Variants in PTPRR observed in about 807,000 individuals in gnomAD.
The protein encoded by PTPRR is protein tyrosine phosphatase receptor type R.
PTPRR carries 38 observed loss-of-function variants against 77.2 expected under a neutral mutation model. That is an observed-to-expected ratio of 0.49 (90% CI 0.38 to 0.65). The LOEUF (loss-of-function observed/expected upper bound fraction) is 0.65. Among genes scored for constraint, PTPRR ranks in the 30% least tolerant of loss-of-function variants. The pLI is 0.00. For missense variants in PTPRR, 744 were observed against 799.2 expected, an observed-to-expected ratio of 0.93 and a Z score of 0.83; for synonymous variants, 299 against 283.1, an observed-to-expected ratio of 1.06 and a Z score of -0.57.
chr12:70,769,568 GA>G (rs1368512859), intron 2 of PTPRR, among the ~76,000 whole-genome samples: 1 of 152,144 alleles, frequency 6.6e-6, no homozygotes, highest in Non-Finnish European at 1.5e-5. Flanking sequence ...TCAATATCAT[GA>G]AAATGGCCAA....
chr12:70,712,279 A>G (rs76102166), intron 6 of PTPRR, among the ~76,000 whole-genome samples: 1 of 152,232 alleles, frequency 6.6e-6, no homozygotes, highest in Non-Finnish European at 1.5e-5. Flanking sequence ...CCGTGATCAG[A>G]TTCTTGCCAG....
chr12:70,712,371 T>A (rs1459793573), intron 6 of PTPRR, among the ~76,000 whole-genome samples: 10 of 151,806 alleles, frequency 6.6e-5, no homozygotes, highest in Admixed American at 6.6e-4. Context: ...CAGTTGCCAA[T>A]AGTTAAAATA....
chr12:70,882,839 T>C (rs1352908481), intron 2 of PTPRR, among the ~76,000 whole-genome samples: 2 of 152,212 alleles, frequency 1.3e-5, no homozygotes, highest in Non-Finnish European at 2.9e-5. Context: ...GCCTATAAAA[T>C]AGCAATAACA....
intron 10 of PTPRR, among the ~76,000 whole-genome samples, chr12:70,671,123 C>T (rs550681202): frequency 2.0e-5 from 3 of 152,264 alleles, no homozygotes; most frequent in East Asian, 1.9e-4. Context: ...AACAATGACG[C>T]TTAACACAAT....
At chr12:70,821,213 C>CTTTTTTTTTTTTTCTTTTTTTTTTTTTT (rs1892003658) in intron 2 of PTPRR, among the ~76,000 whole-genome samples, 1 of 31,972 alleles carries the variant, frequency 3.1e-5, no homozygotes, top group African/African-American at 9.3e-5. Context: ...GGGATCACTG[C>CTTTTTTTTTTTTTCTTTTTTTTTTTTTT]TTTTTTTTTT....
intron 5 of PTPRR, among the ~76,000 whole-genome samples, chr12:70,751,116 A>G (rs1214119640): frequency 6.6e-6 from 1 of 151,958 alleles, no homozygotes; most frequent in Non-Finnish European, 1.5e-5. Context: ...TATTTCTTTC[A>G]TTTCTTTAAG....
intron 1 of PTPRR, among the ~76,000 whole-genome samples, chr12:70,899,875 G>C (rs1893501133): frequency 6.6e-6 from 1 of 151,402 alleles, no homozygotes; most frequent in East Asian, 1.9e-4. Context: ...AAACTAAATG[G>C]CATTTGTATA....
chr12:70,868,391 C>T (rs1026770728), intron 2 of PTPRR, among the ~76,000 whole-genome samples: 9 of 150,276 alleles, frequency 6.0e-5, no homozygotes, highest in African/African-American at 2.0e-4. Flanking sequence ...TGAACAGACA[C>T]TTCTGAAAAG....
chr12:70,824,456 A>T (rs939612225), intron 2 of PTPRR, among the ~76,000 whole-genome samples: 1 of 152,220 alleles, frequency 6.6e-6, no homozygotes, highest in African/African-American at 2.4e-5. Flanking sequence ...AAACCATGGT[A>T]GCTAAAGGCT....
At chr12:70,710,415 C>A (rs868747099) in intron 6 of PTPRR, among the ~76,000 whole-genome samples, 3 of 151,982 alleles carry the variant, frequency 2.0e-5, no homozygotes, top group African/African-American at 4.8e-5. Context: ...ATGGCTTAAA[C>A]GCTTAAATGT....
At chr12:70,828,487 G>C (rs565717158) in intron 2 of PTPRR, among the ~76,000 whole-genome samples, 194 of 152,324 alleles carry the variant, frequency 1.3e-3, no homozygotes, top group African/African-American at 4.5e-3. Context: ...AAGAGAATTA[G>C]ATGCATTTTG....
At chr12:70,847,861 A>C (rs1011666655) in intron 2 of PTPRR, among the ~76,000 whole-genome samples, 6 of 152,194 alleles carry the variant, frequency 3.9e-5, no homozygotes, top group African/African-American at 4.8e-5. Flanking sequence ...CTTTTTGGTA[A>C]AGAACAGCTT....
chr12:70,898,161 T>TA (rs143545504), intron 1 of PTPRR, among the ~76,000 whole-genome samples: 37,386 of 148,626 alleles, frequency 0.25, 5,221 homozygotes, highest in East Asian at 0.45. Context: ...ATAATAATAA[T>TA]AAAAAAAGAG....
At chr12:70,652,597 G>A (rs773667548) in intron 13 of PTPRR, among the ~76,000 whole-genome samples, 1 of 152,112 alleles carries the variant, frequency 6.6e-6, no homozygotes, top group Non-Finnish European at 1.5e-5. Flanking sequence ...AACTCAAGGG[G>A]GTTGGGTGCC....
chr12:70,900,432 A>T (rs1020346758), intron 1 of PTPRR, among the ~76,000 whole-genome samples: 1 of 151,260 alleles, frequency 6.6e-6, no homozygotes, highest in Non-Finnish European at 1.5e-5. Context: ...AGAAGAAAAG[A>T]TAGGCAAAAA....
intron 10 of PTPRR, among the ~76,000 whole-genome samples, chr12:70,673,850 T>A (rs191507378): frequency 2.6e-5 from 4 of 151,910 alleles, no homozygotes; most frequent in Admixed American, 6.6e-5. Flanking sequence ...TTTTTAATGG[T>A]TTTTTTTGCA....
At chr12:70,772,217 G>A (rs1284809418) in intron 2 of PTPRR, among the ~76,000 whole-genome samples, 3 of 151,996 alleles carry the variant, frequency 2.0e-5, no homozygotes, top group African/African-American at 7.2e-5. Flanking sequence ...TTTGAACATA[G>A]TAGGCTATCA....
intron 2 of PTPRR, among the ~76,000 whole-genome samples, chr12:70,821,132 G>C (rs1033191786): frequency 6.8e-6 from 1 of 147,626 alleles, no homozygotes; most frequent in South Asian, 2.2e-4. Context: ...TGTCCTCCAA[G>C]AAAGGAGATG....
At position 70,689,809 on chromosome 12, in the gene PTPRR, T is replaced by C. The variant is rs906574982; in HGVS notation, c.1280-5026A>G. Among the ~76,000 whole-genome samples the C allele has an allele frequency of 2.2e-4, 33 of 152,214 alleles. 1 individual carries two copies. Among genetic ancestry groups the C allele is most frequent in the African/African-American group, 8.0e-4 (33 of 41,466 alleles). ...TAGCTGGAGCACACAATAGTACGCA[T>C]ATCCAAATATGTACTTTAAGAGCTA... On this transcript the variant is annotated intron_variant, in intron 8 of 13. Coordinates refer to ENST00000283228, the MANE Select transcript of PTPRR (RefSeq NM_002849.4).
Sources: gnomAD v4.1 joint callset for allele counts (sites outside exome capture counted in the v4.1 genomes callset) on GRCh38, gnomAD v4.1.1 for gene constraint, MANE v1.5 for transcripts, NCBI Gene and HGNC (gene_info 2026-07-23, HGNC 2026-07-21) for gene names.